CREB5: variants seen among roughly 807,000 people sequenced by gnomAD.
CREB5 encodes cAMP responsive element binding protein 5, also known as cyclic AMP-responsive element-binding protein 5.
In CREB5, 19 loss-of-function variants were observed where a neutral mutation model predicts 57.1. The ratio of observed to expected loss-of-function variants is 0.33; its 90% confidence interval spans 0.23 to 0.49. The LOEUF (loss-of-function observed/expected upper bound fraction) is 0.49, where lower values mean the gene tolerates loss of function less well. Among genes scored for constraint, CREB5 ranks in the 20% least tolerant of loss-of-function variants. CREB5 has a pLI of 0.99. For missense variants in CREB5, 579 were observed against 671.6 expected (o/e 0.86, Z 1.52); for synonymous variants, 238 against 238.3 (o/e 1.00, Z 0.01).
At chr7:28,314,539 A>G (rs1388536356) in intron 1 of CREB5, among the ~76,000 whole-genome samples, 1 of 152,226 alleles carries the variant, frequency 6.6e-6, no homozygotes, top group Non-Finnish European at 1.5e-5. Flanking sequence ...CCAGGAGAGT[A>G]ACATCTGCCA....
chr7:28,814,353 G>T (rs945768395), intron 9 of CREB5, among the ~76,000 whole-genome samples: 1 of 152,094 alleles, frequency 6.6e-6, no homozygotes, highest in African/African-American at 2.4e-5. Flanking sequence ...TAAGCCAAAG[G>T]CCCCTTATGA....
intron 1 of CREB5, among the ~76,000 whole-genome samples, chr7:28,388,401 GC>G (rs1356302024): frequency 6.6e-6 from 1 of 152,094 alleles, no homozygotes; most frequent in Non-Finnish European, 1.5e-5. Context: ...TCTTGCTTAG[GC>G]CTCAGTGTGG....
At chr7:28,685,648 T>C (rs1343259141) in intron 5 of CREB5, among the ~76,000 whole-genome samples, 1 of 149,092 alleles carries the variant, frequency 6.7e-6, no homozygotes, top group Non-Finnish European at 1.5e-5. Context: ...TTTCCCTTTC[T>C]CCAAACACAG....
At chr7:28,432,317 A>G (rs1394395724) in intron 1 of CREB5, among the ~76,000 whole-genome samples, 1 of 152,120 alleles carries the variant, frequency 6.6e-6, no homozygotes, top group Admixed American at 6.6e-5. Context: ...CCAGTGTAGG[A>G]GTCATTTGGC....
At chr7:28,716,262 A>G (rs1301622909) in intron 5 of CREB5, among the ~76,000 whole-genome samples, 1 of 152,212 alleles carries the variant, frequency 6.6e-6, no homozygotes. Context: ...ATTATTTTTC[A>G]TATGTCCCAT....
chr7:28,437,473 A>G (rs972261098), intron 1 of CREB5, among the ~76,000 whole-genome samples: 1 of 152,112 alleles, frequency 6.6e-6, no homozygotes, highest in African/African-American at 2.4e-5. Context: ...ATCCCACTGA[A>G]TCTTAGTTCC....
intron 5 of CREB5, among the ~76,000 whole-genome samples, chr7:28,614,566 C>A (rs553924352): frequency 6.6e-6 from 1 of 152,152 alleles, no homozygotes; most frequent in Non-Finnish European, 1.5e-5. Context: ...TGCCTCACCC[C>A]TAATGAGAGC....
intron 1 of CREB5, among the ~76,000 whole-genome samples, chr7:28,472,603 G>A (rs1470747524): frequency 2.6e-5 from 4 of 152,148 alleles, no homozygotes; most frequent in Non-Finnish European, 5.9e-5. Context: ...TTACGCATGG[G>A]ATAGGCTGTG....
At chr7:28,672,179 A>AC (rs1187521341) in intron 5 of CREB5, among the ~76,000 whole-genome samples, 17,784 of 73,390 alleles carry the variant, frequency 0.24, 2,165 homozygotes, top group African/African-American at 0.42. Context: ...ATTATGGAAA[A>AC]AAAAAAAAAA....
intron 1 of CREB5, among the ~76,000 whole-genome samples, chr7:28,332,239 G>A (rs1270253888): frequency 6.6e-6 from 1 of 152,158 alleles, no homozygotes; most frequent in Non-Finnish European, 1.5e-5. Flanking sequence ...TGTGAGGAGT[G>A]TGGTCTGGAC....
intron 5 of CREB5, among the ~76,000 whole-genome samples, chr7:28,642,387 C>T (rs1460260358): frequency 7.9e-5 from 12 of 152,222 alleles, no homozygotes; most frequent in African/African-American, 2.6e-4. Context: ...TCTCCCAGTC[C>T]CAAGAGACAT....
chr7:28,502,386 CAA>C (rs56300430), intron 3 of CREB5, among the ~76,000 whole-genome samples: 16 of 150,044 alleles, frequency 1.1e-4, no homozygotes, highest in Admixed American at 9.9e-4. Flanking sequence ...TAAATGTAAC[CAA>C]AAAAAAATAT....
chr7:28,555,940 A>C (rs375314189), intron 4 of CREB5, among the ~76,000 whole-genome samples: 9 of 152,202 alleles, frequency 5.9e-5, no homozygotes, highest in African/African-American at 1.9e-4. Flanking sequence ...ATGAACTTAA[A>C]ATGGAATGTT....
At chr7:28,612,838 AC>A (rs969926350) in intron 5 of CREB5, among the ~76,000 whole-genome samples, 2 of 152,168 alleles carry the variant, frequency 1.3e-5, no homozygotes, top group African/African-American at 4.8e-5. Flanking sequence ...GAGAAGAGTG[AC>A]TTTCTAAAAA....
chr7:28,521,974 A>T (rs1289043358), intron 4 of CREB5, among the ~76,000 whole-genome samples: 4 of 152,236 alleles, frequency 2.6e-5, no homozygotes, highest in Non-Finnish European at 5.9e-5. Flanking sequence ...TAAAATTGAG[A>T]TTATAAACTA....
At chr7:28,379,573 G>T (rs1480953068) in intron 1 of CREB5, among the ~76,000 whole-genome samples, 1 of 152,226 alleles carries the variant, frequency 6.6e-6, no homozygotes, top group Non-Finnish European at 1.5e-5. Flanking sequence ...CACAGATCCA[G>T]GGCCAGTGGT....
At chr7:28,363,835 G>A (rs73086443) in intron 1 of CREB5, among the ~76,000 whole-genome samples, 17,344 of 152,262 alleles carry the variant, frequency 0.11, 1,209 homozygotes, top group Middle Eastern at 0.16. Flanking sequence ...GAAATGGAGA[G>A]AATAATACCA....
intron 1 of CREB5, among the ~76,000 whole-genome samples, chr7:28,371,446 G>A (rs1032192642): frequency 2.7e-5 from 4 of 146,322 alleles, no homozygotes; most frequent in African/African-American, 1.0e-4. Context: ...CCAAGATCGC[G>A]ACACTGCACT....
At chr7:28,434,073 ATTTAACTAAT>A (rs1449108636) in intron 1 of CREB5, among the ~76,000 whole-genome samples, 2 of 152,028 alleles carry the variant, frequency 1.3e-5, no homozygotes, top group Non-Finnish European at 2.9e-5. Flanking sequence ...GGTTTATGCC[ATTTAACTAAT>A]GACCTTCCTG....
Sources: gnomAD v4.1 joint callset for allele counts (sites outside exome capture counted in the v4.1 genomes callset) on GRCh38, gnomAD v4.1.1 for gene constraint, MANE v1.5 for transcripts, NCBI Gene and HGNC (gene_info 2026-07-23, HGNC 2026-07-21) for gene names.